CALD1: variants seen among roughly 807,000 people sequenced by gnomAD.
CALD1 encodes the protein caldesmon.
Under a neutral mutation model 99.9 loss-of-function variants are expected in CALD1, and 33 were observed. That is an observed-to-expected ratio of 0.33 (90% CI 0.25 to 0.44). The LOEUF (loss-of-function observed/expected upper bound fraction) is 0.44, where lower values mean the gene tolerates loss of function less well. CALD1 is among the 20% of genes least tolerant of loss of function. CALD1 has a pLI of 1.00. For synonymous variants in CALD1, 310 were observed against 325.0 expected, an observed-to-expected ratio of 0.95 and a Z score of 0.50; for missense variants, 861 against 962.1, an observed-to-expected ratio of 0.89 and a Z score of 1.39.
intron 1 of CALD1, among the ~76,000 whole-genome samples, chr7:134,750,191 G>A (rs964704502): frequency 1.1e-4 from 16 of 152,188 alleles, no homozygotes; most frequent in Non-Finnish European, 1.2e-4. Context: ...CATTGCTGGG[G>A]TGACCTGAAG....
intron 9 of CALD1, among the ~76,000 whole-genome samples, chr7:134,953,661 T>G (rs1392767530): frequency 7.7e-6 from 1 of 129,416 alleles, no homozygotes; most frequent in Admixed American, 7.4e-5. Flanking sequence ...CTGTGGTTTT[T>G]TTTTTTTGTT....
intron 2 of CALD1, among the ~76,000 whole-genome samples, chr7:134,847,325 G>C (rs1276661294): frequency 1.3e-5 from 2 of 152,158 alleles, no homozygotes; most frequent in Non-Finnish European, 2.9e-5. Context: ...GTGGGCCCAA[G>C]CTTTTTATAG....
intron 2 of CALD1, among the ~76,000 whole-genome samples, chr7:134,864,151 C>A (rs925636233): frequency 6.6e-6 from 1 of 152,066 alleles, no homozygotes; most frequent in African/African-American, 2.4e-5. Flanking sequence ...GAGTTAGAGA[C>A]CAGCCTGGCC....
chr7:134,897,029 G>C (rs925155230), intron 3 of CALD1, among the ~76,000 whole-genome samples: 5 of 152,156 alleles, frequency 3.3e-5, no homozygotes, highest in African/African-American at 7.2e-5. Context: ...TGAAGGTCTT[G>C]GAAACAACCT....
chr7:134,720,839 A>G, the CALD1 span, among the ~76,000 whole-genome samples: 1 of 152,194 alleles, frequency 6.6e-6, no homozygotes, highest in African/African-American at 2.4e-5. Flanking sequence ...TGAAGGGAAC[A>G]TTGTGTCTTA....
At chr7:134,850,463 CCT>C in intron 2 of CALD1, among the ~76,000 whole-genome samples, 1 of 152,172 alleles carries the variant, frequency 6.6e-6, no homozygotes, top group East Asian at 1.9e-4. Context: ...CTTCTCTGGG[CCT>C]CTGTCTTTTC....
intron 1 of CALD1, among the ~76,000 whole-genome samples, chr7:134,817,454 A>G (rs62462530): frequency 0.2 from 30,856 of 152,082 alleles, 3,263 homozygotes; most frequent in East Asian, 0.29. Flanking sequence ...CCAAAACCCA[A>G]GAAATTGACA....
At chr7:134,840,139 T>C (rs2132137844) in intron 1 of CALD1, among the ~76,000 whole-genome samples, 2 of 152,344 alleles carry the variant, frequency 1.3e-5, no homozygotes, top group South Asian at 4.1e-4. Context: ...ATCATGGAGA[T>C]TTTCTTTTTC....
chr7:134,763,653 C>T (rs1029772147), intron 1 of CALD1, among the ~76,000 whole-genome samples: 1 of 152,174 alleles, frequency 6.6e-6, no homozygotes, highest in Non-Finnish European at 1.5e-5. Flanking sequence ...GGCGCAATGG[C>T]TCACGTCTGT....
rs779133323 is a variant in CALD1, at chr7:134,968,384, G to A, written c.*39G>A. 5.6e-6 allele frequency: 9 copies of A among 1,601,928 alleles called. No homozygotes were observed. The highest frequency in any genetic ancestry group is 1.7e-4 in the Middle Eastern group (1 of 6,042). On this transcript the variant is annotated 3_prime_UTR_variant, in exon 15 of 15. Coordinates refer to ENST00000361675, the MANE Select transcript of CALD1 (RefSeq NM_033138.4). ...AGAACCCAAGCTCAAGACGCAGGAC[G>A]AGCTCAGTTGTAGAGGGCTAATTCG...
At chr7:134,721,362 T>C in the CALD1 span, among the ~76,000 whole-genome samples, 1 of 150,216 alleles carries the variant, frequency 6.7e-6, no homozygotes, top group Non-Finnish European at 1.5e-5. Context: ...GGGTACTTCA[T>C]GACCCTGGAG....
intron 1 of CALD1, among the ~76,000 whole-genome samples, chr7:134,793,795 A>C (rs1797635324): frequency 6.6e-6 from 1 of 150,814 alleles, no homozygotes; most frequent in African/African-American, 2.4e-5. Context: ...TTCACCTATC[A>C]ACCACTCCCT....
chr7:134,732,397 T>C, the CALD1 span, among the ~76,000 whole-genome samples: 47 of 152,040 alleles, frequency 3.1e-4, no homozygotes, highest in Non-Finnish European at 5.9e-5. Flanking sequence ...TATTAAGAGG[T>C]GGGGGCTTTT....
At chr7:134,882,783 G>T (rs1352201531) in intron 3 of CALD1, among the ~76,000 whole-genome samples, 4 of 152,168 alleles carry the variant, frequency 2.6e-5, no homozygotes, top group African/African-American at 9.7e-5. Flanking sequence ...TACAAGTTGA[G>T]TTCAAAGTTT....
upstream of CALD1, among the ~76,000 whole-genome samples, chr7:134,741,762 T>C (rs538697075): frequency 4.6e-5 from 7 of 152,326 alleles, no homozygotes; most frequent in African/African-American, 1.7e-4. Context: ...AAAACCTGGA[T>C]GTCCTTTAAT....
intron 9 of CALD1, among the ~76,000 whole-genome samples, chr7:134,951,424 C>G (rs1807329250): frequency 6.6e-6 from 1 of 152,176 alleles, no homozygotes; most frequent in Admixed American, 6.5e-5. Context: ...CTTTGAGCAA[C>G]TGAGAATAGA....
chr7:134,927,220 C>G lies in CALD1; in HGVS notation c.72-1534C>G, dbSNP rs572495305. On this transcript the variant is annotated intron_variant, in intron 3 of 14. Transcript: ENST00000361675. Reference sequence around the variant, plus strand: ...GTTTGAGCATCTGCAGTTGCCCAGCCCCAATTCTTTATTTGGAAATAAGTA... The same window carrying G: ...GTTTGAGCATCTGCAGTTGCCCAGCGCCAATTCTTTATTTGGAAATAAGTA... 7.2e-5 allele frequency among the ~76,000 whole-genome samples: 11 copies of G among 152,160 alleles called. No individual in the cohort carries two copies. In the East Asian group the frequency reaches 1.9e-3, roughly 27 times the overall value.
chr7:134,749,385 C>T (rs1296066406), intron 1 of CALD1, among the ~76,000 whole-genome samples: 4 of 152,084 alleles, frequency 2.6e-5, no homozygotes, highest in Non-Finnish European at 5.9e-5. Flanking sequence ...TTTGGGAGGC[C>T]GAGGTGGGCG....
chr7:134,738,687 G>A, the CALD1 span, among the ~76,000 whole-genome samples: 5 of 152,102 alleles, frequency 3.3e-5, no homozygotes, highest in Non-Finnish European at 7.4e-5. Flanking sequence ...GACCAGCATC[G>A]CGGCATGTCA....
Sources: gnomAD v4.1 joint callset for allele counts (sites outside exome capture counted in the v4.1 genomes callset) on GRCh38, gnomAD v4.1.1 for gene constraint, MANE v1.5 for transcripts, NCBI Gene and HGNC (gene_info 2026-07-23, HGNC 2026-07-21) for gene names.